Variants in CDKL5 observed in about 807,000 individuals in gnomAD.
CDKL5 encodes cyclin dependent kinase like 5.
CDKL5 carries 8 observed loss-of-function variants against 61.7 expected under a neutral mutation model. The ratio of observed to expected loss-of-function variants is 0.13; its 90% CI spans 0.08 to 0.23. The LOEUF is 0.23. Ranked by LOEUF, CDKL5 falls within the 10% of genes least tolerant of loss-of-function variation. The pLI is 1.00. For missense variants in CDKL5, 440 were observed against 734.5 expected (o/e 0.60, Z 4.63); for synonymous variants, 275 against 272.3 (o/e 1.01, Z -0.10).
chrX:18,608,383 A>G (rs1926432135), intron 12 of CDKL5, among the ~76,000 whole-genome samples: 2 of 112,187 alleles, frequency 1.8e-5, no homozygotes, highest in African/African-American at 6.5e-5. Context: ...ACTTTGCCAT[A>G]TAAGTCCTGC....
rs190332985 is a variant in CDKL5 at position 18,574,897 on chromosome X, A to G, written c.146-457A>G. 2.5e-3 allele frequency among the ~76,000 whole-genome samples: 278 copies of G among 112,126 alleles called. 3 individuals carry two copies. Among genetic ancestry groups the G allele is most frequent in the African/African-American group, 8.3e-3 (258 of 30,927 alleles). The stretch of plus-strand genomic sequence containing the variant: ...CCAAAGTTTCAGGCCATCCTTAAAA[A>G]CATCAGCTACTACAGATGCCGGCTG... On this transcript the variant is annotated intron_variant, in intron 4 of 17. Coordinates refer to ENST00000623535, the MANE Select transcript of CDKL5 (RefSeq NM_001323289.2).
downstream of CDKL5, chrX:18,641,667 G>A: frequency 3.9e-6 from 1 of 258,044 alleles, no homozygotes; most frequent in South Asian, 6.3e-5. Flanking sequence ...TATCAGGGCT[G>A]CTTTGTGTTC....
At chrX:18,612,868 A>ATGTT (rs775445101) in intron 14 of CDKL5, among the ~76,000 whole-genome samples, 21 of 110,107 alleles carry the variant, frequency 1.9e-4, no homozygotes, top group South Asian at 3.9e-4. Context: ...GGATTTTTAT[A>ATGTT]TGTTTGTTTG....
intron 3 of CDKL5, among the ~76,000 whole-genome samples, chrX:18,515,740 T>C (rs187504649): frequency 9.0e-6 from 1 of 111,312 alleles, no homozygotes; most frequent in Admixed American, 9.6e-5. Flanking sequence ...CTATTGAGCA[T>C]CTACCACATG....
Position 18,640,114 on chromosome X carries a change from C to T in CDKL5, c.*11357C>T, listed in dbSNP as rs1421744692. The T allele has an allele frequency of 9.0e-6, 1 of 111,215 alleles. No individual in the cohort carries two copies. The highest frequency in any genetic ancestry group is 3.3e-5 in the African/African-American group (1 of 30,525). 9.2% of individuals were successfully genotyped at this position (111,215 alleles called of 1,213,427 possible). On this transcript the variant is annotated 3_prime_UTR_variant, in exon 18 of 18. Transcript: ENST00000623535. ...GCACAACTCTGAATATACCAAAAGT[C>T]ATCAAATTGTACACTTTAAATGGAT...
chrX:18,501,766 C>T (rs1422427520), intron 1 of CDKL5, among the ~76,000 whole-genome samples: 1 of 110,406 alleles, frequency 9.1e-6, no homozygotes, highest in African/African-American at 3.3e-5. Flanking sequence ...TCATGCTGGT[C>T]TCGAACTCCT....
intron 1 of CDKL5, chrX:18,442,046 A>C (rs1184442177): frequency 9.0e-6 from 1 of 111,291 alleles, no homozygotes; most frequent in Non-Finnish European, 1.9e-5. Flanking sequence ...TATTGTCTTA[A>C]GGGTAGAAGT....
rs187853987 is a variant in CDKL5, at chrX:18,581,809, A to G, written c.404-82A>G. The G allele has an allele frequency of 3.3e-3, 1,959 of 590,324 alleles. 3 individuals carry two copies. Among genetic ancestry groups the G allele is most frequent in the Non-Finnish European group, 4.7e-3 (1,660 of 354,693 alleles). The allele number at this position is 590,324 out of a possible 1,213,427, so 48.6% of individuals were successfully genotyped here. On this transcript the variant is annotated intron_variant, in intron 6 of 17. Coordinates refer to ENST00000623535, the MANE Select transcript of CDKL5 (RefSeq NM_001323289.2). ...AATTACTCTAGATATTTCTAATTAG[A>G]TGCTATTACAGTGATCTAACAGTGT...
At chrX:18,453,051 C>T (rs1015209225) in intron 1 of CDKL5, among the ~76,000 whole-genome samples, 6 of 109,502 alleles carry the variant, frequency 5.5e-5, no homozygotes, top group African/African-American at 6.6e-5. Flanking sequence ...AGGCTGGTCT[C>T]GAACTCCTGA....
At chrX:18,558,676 G>T (rs926829828) in intron 3 of CDKL5, among the ~76,000 whole-genome samples, 1 of 111,570 alleles carries the variant, frequency 9.0e-6, no homozygotes. Flanking sequence ...TATCCAAAGG[G>T]AGTAGGAAAT....
At chrX:18,500,900 G>A (rs1376668437) in intron 1 of CDKL5, among the ~76,000 whole-genome samples, 2 of 110,164 alleles carry the variant, frequency 1.8e-5, no homozygotes, top group East Asian at 5.7e-4. Context: ...GTGCAGTGAC[G>A]TGATCTTGGC....
intron 1 of CDKL5, among the ~76,000 whole-genome samples, chrX:18,455,876 T>C (rs926112971): frequency 1.8e-5 from 2 of 111,745 alleles, no homozygotes; most frequent in African/African-American, 6.5e-5. Context: ...CGTGACTACC[T>C]TTATTTTAGC....
intron 3 of CDKL5, among the ~76,000 whole-genome samples, chrX:18,516,553 CT>C (rs1262915228): frequency 1.7e-4 from 18 of 104,103 alleles, no homozygotes; most frequent in East Asian, 3.0e-4. Flanking sequence ...CTGCTGTTGT[CT>C]TTTTTTTTTT....
In CDKL5 at chrX:18,461,018, G is replaced by A. The variant is rs1280356779; in HGVS notation, c.-163+35323G>A. Among the ~76,000 whole-genome samples the A allele has an allele frequency of 2.7e-5, 3 of 112,460 alleles. No individual in the cohort carries two copies. In the Admixed American group the frequency reaches 2.8e-4, roughly 11 times the overall value. On this transcript the variant is annotated intron_variant, in intron 1 of 17. Coordinates refer to ENST00000623535, the MANE Select transcript of CDKL5 (RefSeq NM_001323289.2). ...TGGGTTTCTTTCTCATTTGGGGAGT[G>A]TGGTTTACAATGATTGGAGCAAAAG...
rs1927280499 is a variant in CDKL5 at position 18,633,111 on chromosome X, C to T, written c.*4354C>T. 46 of 752,460 alleles carry T rather than the reference C, an allele frequency of 6.1e-5. 1 individual carries two copies. Among genetic ancestry groups the T allele is most frequent in the Non-Finnish European group, 6.7e-5 (43 of 639,142 alleles). The allele number at this position is 752,460 out of a possible 1,213,427, so 62.0% of individuals were successfully genotyped here. ...TCTGCACGTTCTCTGCTGGTCAGAACATGTTTCCTGGAGAGCATTGCTTTT... is the reference window on the plus strand; with the variant it reads ...TCTGCACGTTCTCTGCTGGTCAGAATATGTTTCCTGGAGAGCATTGCTTTT... On this transcript the variant is annotated 3_prime_UTR_variant, in exon 18 of 18. Coordinates refer to ENST00000623535, the MANE Select transcript of CDKL5 (RefSeq NM_001323289.2).
At chrX:18,628,306 T>C in intron 17 of CDKL5, 65 bp from the exon 18 acceptor site, 1 of 1,137,412 alleles carries the variant, frequency 8.8e-7, no homozygotes, top group Non-Finnish European at 1.2e-6. Flanking sequence ...CTAAGCCCCC[T>C]TCCCTCCCCA....
At chrX:18,533,985 C>G (rs1923737091) in intron 3 of CDKL5, among the ~76,000 whole-genome samples, 1 of 112,021 alleles carries the variant, frequency 8.9e-6, no homozygotes, top group Non-Finnish European at 1.9e-5. Context: ...GCCCCAGCAT[C>G]ACAGTGTAAT....
chrX:18,651,264 T>TGTGTGTGTGTGAGAGA (rs1491242962), intron 21 of CDKL5, among the ~76,000 whole-genome samples: 1 of 69,006 alleles, frequency 1.4e-5, no homozygotes, highest in African/African-American at 6.3e-5. Flanking sequence ...TGTGTGTGTG[T>TGTGTGTGTGTGAGAGA]GAGAGAGAGA....
Position 18,629,655 on chromosome X carries a change from T to TAGGC in CDKL5, c.*900_*901insGCAG. On this transcript the variant is annotated 3_prime_UTR_variant, in exon 18 of 18. Coordinates refer to ENST00000623535, the MANE Select transcript of CDKL5 (RefSeq NM_001323289.2). Reference sequence around the variant, plus strand: ...ACTTTGAGGCCCCAGCAGTAGCCTCTAGACATGATCCTTGGTAGCAGACGA... The same window carrying TAGGC: ...ACTTTGAGGCCCCAGCAGTAGCCTCTAGGCAGACATGATCCTTGGTAGCAGACGA... 1 of 754,135 alleles carries TAGGC rather than the reference T, an allele frequency of 1.3e-6. No individual in the cohort carries two copies. The highest frequency in any genetic ancestry group is 6.7e-5 in the South Asian group (1 of 14,856). The allele number at this position is 754,135 out of a possible 1,213,427, so 62.1% of individuals were successfully genotyped here.
Sources: allele counts gnomAD v4.1 joint callset (sites outside exome capture counted in the v4.1 genomes callset), GRCh38; gene constraint gnomAD v4.1.1; transcripts MANE v1.5; gene names NCBI Gene and HGNC (gene_info 2026-07-23, HGNC 2026-07-21).